Variants in VWA5A observed in about 807,000 individuals in gnomAD.
VWA5A encodes the protein von Willebrand factor A domain containing 5A.
In VWA5A, 77 loss-of-function variants were observed where a neutral mutation model predicts 84.6. The ratio of observed to expected loss-of-function variants is 0.91; its 90% CI spans 0.76 to 1.10. VWA5A has a LOEUF of 1.10. Among genes scored for constraint, VWA5A ranks in the 50% least tolerant of loss-of-function variants. The probability of loss-of-function intolerance (pLI) is 0.00; values close to 1 mark genes in which losing one functional copy is unlikely to be tolerated. For missense variants in VWA5A, 973 were observed against 963.0 expected (o/e 1.01, Z -0.14); for synonymous variants, 334 against 350.1 (o/e 0.95, Z 0.51).
chr11:124,116,003 C>T (rs910481950), intron 1 of VWA5A: 1 of 152,302 alleles, frequency 6.6e-6, no homozygotes, highest in Non-Finnish European at 1.5e-5. Context: ...CCACTTCTTA[C>T]CCCAAATCTC....
At position 124,137,017 on chromosome 11, in the gene VWA5A, T is replaced by C; in HGVS notation, c.1628T>C (p.Leu543Pro). ...FPLQPKPDVN[L>P]TIHRLAAKSL... is the part of the protein sequence containing the mutation. ...TACTTTTTTTTTTTTCCTTTCAGCC[T>C]CACCATTCACCGCCTTGCTGCCAAG... Residue 543 changes from leucine (L) to proline (P), a missense_variant and splice_region_variant, in exon 15 of 19, where the codon CTC becomes CCC. By Grantham distance (98) the Leu-to-Pro change is moderately conservative. Transcript: ENST00000456829. 1 of 1,610,310 alleles carries C rather than the reference T, an allele frequency of 6.2e-7. No individual in the cohort carries two copies.
At chr11:124,117,291 C>CT (rs1864846437) in intron 2 of VWA5A, 2 of 607,102 alleles carry the variant, frequency 3.3e-6, no homozygotes, top group Non-Finnish European at 5.8e-6. Flanking sequence ...ACCAGTGAAT[C>CT]TTACACCTTC....
At chr11:124,135,528 T>C (rs12798726) in intron 12 of VWA5A, among the ~76,000 whole-genome samples, 51 of 135,594 alleles carry the variant, frequency 3.8e-4, no homozygotes, top group Middle Eastern at 3.5e-3. Context: ...ATTTCTTTTT[T>C]TTTTTTTTTT....
intron 11 of VWA5A, among the ~76,000 whole-genome samples, chr11:124,131,292 A>T (rs1221757319): frequency 1.3e-5 from 2 of 152,166 alleles, no homozygotes; most frequent in African/African-American, 4.8e-5. Context: ...AAGAGGATTC[A>T]TGTCCAGGGT....
At chr11:124,143,675 G>T (rs1378758000) in intron 17 of VWA5A, among the ~76,000 whole-genome samples, 1 of 151,806 alleles carries the variant, frequency 6.6e-6, no homozygotes, top group Non-Finnish European at 1.5e-5. Context: ...TTTAAAATTT[G>T]GCTACCAGAA....
chr11:124,141,499 C>G, intron 15 of VWA5A, 99 bp from the exon 16 acceptor site: 1 of 1,471,728 alleles, frequency 6.8e-7, no homozygotes, highest in Non-Finnish European at 9.2e-7. Context: ...GTGACTGAAG[C>G]CAGTGTGGAT....
rs534904821 is a variant in VWA5A, at chr11:124,130,595, A to G, written c.1245-4325A>G. ...AAGTGGGGTGTTAAAGTCTCCCACT[A>G]TTATTGTGTGGGAGTCTAAGTCTTT... On this transcript the variant is annotated intron_variant, in intron 11 of 18. Transcript: ENST00000456829. Among the ~76,000 whole-genome samples, 271 of 152,226 alleles carry G rather than the reference A, an allele frequency of 1.8e-3. 1 individual carries two copies. The highest frequency in any genetic ancestry group is 6.1e-3 in the African/African-American group (252 of 41,558).
At chr11:124,126,565 C>T (rs1865021588) in intron 11 of VWA5A, among the ~76,000 whole-genome samples, 2 of 152,128 alleles carry the variant, frequency 1.3e-5, no homozygotes, top group Admixed American at 1.3e-4. Flanking sequence ...TTGAGACCAA[C>T]CTGGCCAACA....
chr11:124,135,731 C>T (rs933480386), intron 12 of VWA5A, among the ~76,000 whole-genome samples: 4 of 150,142 alleles, frequency 2.7e-5, no homozygotes, highest in Non-Finnish European at 5.9e-5. Flanking sequence ...GGGGTTTCAC[C>T]GTTTTAGCCG....
At position 124,136,291 on chromosome 11, in the gene VWA5A, C is replaced by T; in HGVS notation, c.1522C>T (p.Pro508Ser). 1 of 1,611,252 alleles carries T rather than the reference C, an allele frequency of 6.2e-7. No homozygotes were observed. Among genetic ancestry groups the T allele is most frequent in the Non-Finnish European group, 8.5e-7 (1 of 1,177,816 alleles). Residue 508 changes from proline (P) to serine (S), a missense_variant and splice_region_variant, in exon 13 of 19, where the codon CCA becomes TCA. Coordinates refer to ENST00000456829, the MANE Select transcript of VWA5A (RefSeq NM_001130142.2). ...CTATGCCCAGCTGACCGGGAGGATGCCAGTGAGTTCCCATTCTTATTTGTT... is the reference window on the plus strand; with the variant it reads ...CTATGCCCAGCTGACCGGGAGGATGTCAGTGAGTTCCCATTCTTATTTGTT... ...ISYAQLTGRM[P>S]AAETTGEVCL...
intron 17 of VWA5A, among the ~76,000 whole-genome samples, chr11:124,143,683 G>T (rs1451728969): frequency 6.6e-6 from 1 of 152,106 alleles, no homozygotes; most frequent in African/African-American, 2.4e-5. Context: ...TTGGCTACCA[G>T]AAAATTTAAA....
Position 124,141,843 on chromosome 11 carries a change from C to G in VWA5A, c.2023+102C>G, listed in dbSNP as rs113487538. 2.6e-4 allele frequency: 384 copies of G among 1,455,632 alleles called. 6 individuals are homozygous for G. The African/African-American group carries it at 4.1e-3, about 15-fold the overall frequency. The allele number at this position is 1,455,632 out of a possible 1,614,324, so 90.2% of individuals were successfully genotyped here. ...GTAGTTACAGCTATGACAAGAGATG[C>G]ATGTTTCTCGAAGGGACCCCCCATG... On this transcript the variant is annotated intron_variant, in intron 16 of 18. Coordinates refer to ENST00000456829, the MANE Select transcript of VWA5A (RefSeq NM_001130142.2).
chr11:124,139,915 A>G (rs919333233), intron 15 of VWA5A, among the ~76,000 whole-genome samples: 2 of 152,186 alleles, frequency 1.3e-5, no homozygotes, highest in African/African-American at 4.8e-5. Flanking sequence ...TCCCTCTTCA[A>G]TATGATATTA....
intron 10 of VWA5A, among the ~76,000 whole-genome samples, chr11:124,124,036 G>A (rs910009627): frequency 3.9e-5 from 6 of 152,172 alleles, no homozygotes; most frequent in African/African-American, 1.2e-4. Flanking sequence ...CAGCTAGGAG[G>A]GGAGGTGCTA....
In VWA5A at chr11:124,118,299, T is replaced by G. The variant is rs35485142; in HGVS notation, c.357T>G (p.Pro119=). 3.3e-3 allele frequency: 5,277 copies of G among 1,614,170 alleles called. 139 individuals are homozygous for G. In the African/African-American group the frequency reaches 0.059, roughly 18 times the overall value. ...CTTGCAATGTGGGTAACCTCCAACC[T>G]GGGTCGAAGGCGGCAGTCACCCTGA... ...VFSCNVGNLQ[P]GSKAAVTLKY... The change falls in exon 5 of 19, where the codon CCT becomes CCG. Residue 119 remains proline, a synonymous_variant. Coordinates refer to ENST00000456829, the MANE Select transcript of VWA5A (RefSeq NM_001130142.2).
rs751692940 is a variant in VWA5A, at chr11:124,145,229, C to T, written c.2155-8C>T. On this transcript the variant is annotated splice_region_variant and splice_polypyrimidine_tract_variant and intron_variant, in intron 17 of 18. Transcript: ENST00000456829. ...TGTGCCAACTGGAGCTCTCTATCTA[C>T]TGTGCAGCTTGTGGATTCCTCAGGC... 1.9e-6 allele frequency: 3 copies of T among 1,610,680 alleles called. No homozygotes were observed. Among genetic ancestry groups the T allele is most frequent in the Non-Finnish European group, 2.5e-6 (3 of 1,178,322 alleles).
chr11:124,136,745 C>CTTCCTTCCTTCA lies in VWA5A; in HGVS notation c.1625+74_1625+75insCTTCCTTCATTC, dbSNP rs1425959385. The CTTCCTTCCTTCA allele has an allele frequency of 1.2e-5, 12 of 1,027,932 alleles. No homozygotes were observed. The Admixed American group carries it at 2.6e-4, about 22-fold the overall frequency. The allele number at this position is 1,027,932 out of a possible 1,614,324, so 63.7% of individuals were successfully genotyped here. A position where few individuals can be genotyped will look rare whatever the true frequency, so the allele number is the denominator to read the frequency against. On this transcript the variant is annotated intron_variant, in intron 14 of 18. Transcript: ENST00000456829. The stretch of plus-strand genomic sequence containing the variant: ...CCTTCCTTCCTTCCTTCCTTCCTTC[C>CTTCCTTCCTTCA]TTCATTCCCTCCCTCCCTCCCTCCC...
chr11:124,134,829 A>C, intron 11 of VWA5A, 91 bp from the exon 12 acceptor site: 38 of 845,078 alleles, frequency 4.5e-5, no homozygotes, highest in Non-Finnish European at 5.6e-5. Flanking sequence ...AAAGTAGACT[A>C]TTTCCTTATG....
At position 124,137,165 on chromosome 11, in the gene VWA5A, T is replaced by C. The variant is rs1439667569; in HGVS notation, c.1776T>C (p.Asn592=). The C allele has an allele frequency of 2.5e-6, 4 of 1,613,932 alleles. No individual in the cohort carries two copies. The African/African-American group carries it at 4.0e-5, about 16-fold the overall frequency. The change falls in exon 15 of 19, where the codon AAT becomes AAC. Residue 592 remains asparagine, a synonymous_variant. Transcript: ENST00000456829. ...ISSFTAFIAI[N]KELNKPVQGP... ...CCTTCACAGCTTTCATTGCTATCAA[T>C]AAGGAGCTCAACAAGCCGGTTCAGG...
Sources: allele counts gnomAD v4.1 joint callset (sites outside exome capture counted in the v4.1 genomes callset), GRCh38; gene constraint gnomAD v4.1.1; transcripts MANE v1.5; gene names NCBI Gene and HGNC (gene_info 2026-07-23, HGNC 2026-07-21).